CD86: variants seen among roughly 807,000 people sequenced by gnomAD.
The protein encoded by CD86 is CD86 molecule, also known as T-lymphocyte activation antigen CD86.
A neutral mutation model predicts 32.1 loss-of-function variants in CD86; 11 were observed. The observed-to-expected ratio is 0.34, with a 90% CI of 0.22 to 0.57. The LOEUF is 0.57. Ranked by LOEUF, CD86 falls within the 20% of genes least tolerant of loss-of-function variation. The pLI is 0.86. For synonymous variants in CD86, 137 were observed against 135.3 expected (o/e 1.01, Z -0.09); for missense variants, 359 against 398.4 (o/e 0.90, Z 0.84).
At chr3:122,118,149 G>A in intron 6 of CD86, 56 bp downstream of exon 6, 3 of 1,412,632 alleles carry the variant, frequency 2.1e-6, no homozygotes, top group Non-Finnish European at 3.0e-6. Context: ...CAGAGTGCCT[G>A]TTACTTGAAT....
intron 1 of CD86, among the ~76,000 whole-genome samples, chr3:122,076,738 A>T (rs973854198): frequency 1.3e-5 from 2 of 152,238 alleles, no homozygotes; most frequent in Non-Finnish European, 2.9e-5. Context: ...GGAAAGTAAT[A>T]ATGAAGATGA....
At chr3:122,055,573 G>C in intron 1 of CD86, 70 bp downstream of exon 1, 1 of 1,422,730 alleles carries the variant, frequency 7.0e-7, no homozygotes, top group Non-Finnish European at 9.9e-7. Flanking sequence ...TGAGGTTGAA[G>C]ATGGTGCTTT....
At chr3:122,075,331 C>T (rs1239554842) in intron 1 of CD86, among the ~76,000 whole-genome samples, 1 of 152,074 alleles carries the variant, frequency 6.6e-6, no homozygotes, top group African/African-American at 2.4e-5. Context: ...TAGTATTTAG[C>T]TGAGAGGAGA....
chr3:122,091,686 C>T, intron 2 of CD86, 36 bp downstream of exon 2: 1 of 1,558,770 alleles, frequency 6.4e-7, no homozygotes, highest in Non-Finnish European at 8.9e-7. Flanking sequence ...TCCTGGAATC[C>T]TACTGTCTCC....
chr3:122,112,507 G>C (rs1372438247), intron 5 of CD86, among the ~76,000 whole-genome samples: 1 of 151,870 alleles, frequency 6.6e-6, no homozygotes, highest in African/African-American at 2.4e-5. Context: ...AGTAGAGATG[G>C]GTTTTCACCA....
chr3:122,103,906 A>G, intron 3 of CD86, 59 bp downstream of exon 3: 5 of 1,396,888 alleles, frequency 3.6e-6, no homozygotes, highest in Non-Finnish European at 5.0e-6. Flanking sequence ...ACTGCAAATG[A>G]GTTAGAAAAA....
intron 1 of CD86, among the ~76,000 whole-genome samples, chr3:122,071,430 G>A (rs1352120111): frequency 1.3e-5 from 2 of 152,070 alleles, no homozygotes; most frequent in African/African-American, 4.8e-5. Flanking sequence ...ATGAATTTAA[G>A]TTTTCTCCAT....
intron 4 of CD86, among the ~76,000 whole-genome samples, chr3:122,108,953 C>T (rs1044262153): frequency 1.3e-5 from 2 of 152,194 alleles, no homozygotes; most frequent in African/African-American, 4.8e-5. Flanking sequence ...TCAGCACAGA[C>T]ACCTCACCCA....
chr3:122,075,684 A>C (rs2072545855), intron 1 of CD86, among the ~76,000 whole-genome samples: 1 of 152,084 alleles, frequency 6.6e-6, no homozygotes, highest in African/African-American at 2.4e-5. Flanking sequence ...TAAGTTGGAG[A>C]ATAAGAGAAT....
chr3:122,107,014 T>C (rs1559912148), intron 4 of CD86, among the ~76,000 whole-genome samples: 1 of 152,092 alleles, frequency 6.6e-6, no homozygotes, highest in Non-Finnish European at 1.5e-5. Context: ...AACCCTGTAA[T>C]GTGCACACAT....
chr3:122,103,907 G>A, intron 3 of CD86, 60 bp downstream of exon 3: 1 of 1,395,816 alleles, frequency 7.2e-7, no homozygotes, highest in Non-Finnish European at 9.9e-7. Context: ...CTGCAAATGA[G>A]TTAGAAAAAC....
chr3:122,087,268 GA>G (rs2072739051), intron 1 of CD86, among the ~76,000 whole-genome samples: 1 of 152,146 alleles, frequency 6.6e-6, no homozygotes, highest in South Asian at 2.1e-4. Context: ...TTAGCTGACA[GA>G]AATCTCCTCT....
At chr3:122,088,122 T>A (rs2072753985) in intron 1 of CD86, among the ~76,000 whole-genome samples, 2 of 152,088 alleles carry the variant, frequency 1.3e-5, no homozygotes, top group Non-Finnish European at 2.9e-5. Context: ...TAATGGTTTT[T>A]TGGTTTGCAA....
intron 1 of CD86, among the ~76,000 whole-genome samples, chr3:122,059,764 T>A (rs1388557035): frequency 1.3e-5 from 2 of 152,034 alleles, no homozygotes; most frequent in Admixed American, 6.6e-5. Context: ...TATTTGGAGA[T>A]AGGGTCTTTA....
intron 1 of CD86, among the ~76,000 whole-genome samples, chr3:122,075,559 C>G (rs553558579): frequency 6.6e-6 from 1 of 152,190 alleles, no homozygotes; most frequent in African/African-American, 2.4e-5. Flanking sequence ...CCCAACCTGA[C>G]AAGTAAGAAA....
intron 3 of CD86, among the ~76,000 whole-genome samples, chr3:122,105,002 T>C (rs1375698775): frequency 6.6e-6 from 1 of 152,232 alleles, no homozygotes; most frequent in Non-Finnish European, 1.5e-5. Flanking sequence ...GATCAACACC[T>C]ATTCTAAAAC....
At chr3:122,082,829 A>G (rs1032629721) in intron 1 of CD86, among the ~76,000 whole-genome samples, 13 of 152,214 alleles carry the variant, frequency 8.5e-5, no homozygotes, top group Non-Finnish European at 5.9e-5. Context: ...TGCCATCTGC[A>G]CAGCATAAGT....
intron 1 of CD86, among the ~76,000 whole-genome samples, chr3:122,073,281 C>T (rs2072514540): frequency 6.6e-6 from 1 of 151,614 alleles, no homozygotes; most frequent in Admixed American, 6.6e-5. Flanking sequence ...ATGCTGACCA[C>T]CTTTTCATAT....
chr3:122,101,917 C>T (rs886499918), intron 2 of CD86, among the ~76,000 whole-genome samples: 2 of 152,192 alleles, frequency 1.3e-5, no homozygotes, highest in Non-Finnish European at 1.5e-5. Flanking sequence ...AATACCGGTA[C>T]GCATCCTCTA....
Sources: allele counts gnomAD v4.1 joint callset (sites outside exome capture counted in the v4.1 genomes callset), GRCh38; gene constraint gnomAD v4.1.1; transcripts MANE v1.5; gene names NCBI Gene and HGNC (gene_info 2026-07-23, HGNC 2026-07-21).